MECOM: variants seen among roughly 807,000 people sequenced by gnomAD.
MECOM encodes histone-lysine N-methyltransferase MECOM.
In MECOM, 13 loss-of-function variants were observed where a neutral mutation model predicts 116.3. The ratio of observed to expected loss-of-function variants is 0.11; its 90% CI spans 0.07 to 0.18. The LOEUF is 0.18. Ranked by LOEUF, MECOM falls within the 10% of genes least tolerant of loss-of-function variation. The pLI, the probability that MECOM is intolerant of heterozygous loss-of-function variation, is 1.00. For synonymous variants in MECOM, 528 were observed against 535.2 expected (o/e 0.99, Z 0.19); for missense variants, 1,299 against 1,509.0 (o/e 0.86, Z 2.31).
chr3:169,504,667 G>A (rs1180751869), intron 1 of MECOM, among the ~76,000 whole-genome samples: 1 of 152,006 alleles, frequency 6.6e-6, no homozygotes, highest in Non-Finnish European at 1.5e-5. Flanking sequence ...GCCTAAATGA[G>A]ACTTGTGGGA....
At chr3:169,659,894 G>A (rs986849850) in intron 1 of MECOM, among the ~76,000 whole-genome samples, 1 of 152,142 alleles carries the variant, frequency 6.6e-6, no homozygotes, top group Admixed American at 6.5e-5. Flanking sequence ...CAGAGAGCAA[G>A]TGTAGGAGTA....
chr3:169,338,461 A>T (rs139715491), intron 2 of MECOM, among the ~76,000 whole-genome samples: 1 of 152,272 alleles, frequency 6.6e-6, no homozygotes, highest in African/African-American at 2.4e-5. Context: ...AATGGTAGGC[A>T]CCTCACAGAA....
intron 2 of MECOM, among the ~76,000 whole-genome samples, chr3:169,240,712 AAAAC>A (rs1487808593): frequency 6.6e-6 from 1 of 152,180 alleles, no homozygotes; most frequent in Non-Finnish European, 1.5e-5. Context: ...GGACAACTAA[AAAAC>A]AAATGCCATT....
At chr3:169,385,711 T>A (rs1417109779) in intron 1 of MECOM, among the ~76,000 whole-genome samples, 1 of 152,208 alleles carries the variant, frequency 6.6e-6, no homozygotes, top group Non-Finnish European at 1.5e-5. Flanking sequence ...TTCATCTAAA[T>A]GATAAATTAC....
intron 1 of MECOM, among the ~76,000 whole-genome samples, chr3:169,417,116 C>T (rs201994137): frequency 0.039 from 5,867 of 150,308 alleles, 342 homozygotes; most frequent in Admixed American, 0.17. Context: ...TGGGATCTAA[C>T]TAAACTAAAG....
chr3:169,553,223 G>A (rs1450818066), intron 1 of MECOM, among the ~76,000 whole-genome samples: 1 of 151,922 alleles, frequency 6.6e-6, no homozygotes, highest in African/African-American at 2.4e-5. Context: ...AGGCATTTTT[G>A]AGGCATTAAG....
intron 1 of MECOM, among the ~76,000 whole-genome samples, chr3:169,602,424 G>C (rs117452451): frequency 6.6e-6 from 1 of 152,180 alleles, no homozygotes; most frequent in Admixed American, 6.5e-5. Flanking sequence ...TGGCTAGTCA[G>C]GGACCTGACT....
At chr3:169,626,363 T>G (rs113742891) in intron 1 of MECOM, among the ~76,000 whole-genome samples, 2,950 of 152,318 alleles carry the variant, frequency 0.019, 29 homozygotes, top group Middle Eastern at 0.054. Context: ...GAGTTAATAA[T>G]CATTGAGCGG....
intron 8 of MECOM, among the ~76,000 whole-genome samples, chr3:169,113,172 A>T (rs1276482980): frequency 6.6e-6 from 1 of 152,140 alleles, no homozygotes; most frequent in African/African-American, 2.4e-5. Flanking sequence ...TCATGAATTC[A>T]GTACCTTTCC....
At chr3:169,289,662 T>A (rs2149693203) in intron 2 of MECOM, among the ~76,000 whole-genome samples, 1 of 152,286 alleles carries the variant, frequency 6.6e-6, no homozygotes, top group Non-Finnish European at 1.5e-5. Context: ...AATGGAGAGT[T>A]TGACTAAAAT....
chr3:169,561,611 G>A (rs1286326805), intron 1 of MECOM, among the ~76,000 whole-genome samples: 2 of 152,082 alleles, frequency 1.3e-5, no homozygotes, highest in Admixed American at 6.6e-5. Context: ...CCAAATTCAC[G>A]ATAATGACAA....
At chr3:169,266,415 A>G (rs1758309831) in intron 2 of MECOM, among the ~76,000 whole-genome samples, 1 of 152,192 alleles carries the variant, frequency 6.6e-6, no homozygotes, top group African/African-American at 2.4e-5. Context: ...TAACCATTAA[A>G]CGTACAGGGC....
At chr3:169,178,160 T>A (rs1473627650) in intron 2 of MECOM, among the ~76,000 whole-genome samples, 1 of 151,980 alleles carries the variant, frequency 6.6e-6, no homozygotes, top group East Asian at 1.9e-4. Flanking sequence ...AAGGAATACA[T>A]GTATATATGA....
chr3:169,214,219 T>C (rs1340293374), intron 2 of MECOM, among the ~76,000 whole-genome samples: 2 of 152,036 alleles, frequency 1.3e-5, no homozygotes, highest in Admixed American at 6.6e-5. Flanking sequence ...TCAGTGGAAA[T>C]TAGCAGGCCT....
Position 169,594,154 on chromosome 3 carries a change from C to CAA in MECOM, c.37+69180_37+69181dup, listed in dbSNP as rs34331048. On this transcript the variant is annotated intron_variant, in intron 1 of 16. Coordinates refer to ENST00000651503, the MANE Select transcript of MECOM (RefSeq NM_004991.4). Reference sequence around the variant, plus strand: ...CTCAACGACAACACCACCACCACCACAAAAAAAAAAAAAAAAAAAAAACAC... The same window carrying CAA: ...CTCAACGACAACACCACCACCACCACAAAAAAAAAAAAAAAAAAAAAAAACAC... Among the ~76,000 whole-genome samples, 954 of 44,912 alleles carry CAA rather than the reference C, an allele frequency of 0.021. 46 individuals carry two copies. The East Asian group carries it at 0.24, about 12-fold the overall frequency. 29.5% of individuals were successfully genotyped at this position (44,912 alleles called of 152,430 possible).
At chr3:169,307,144 C>T (rs1359991181) in intron 2 of MECOM, among the ~76,000 whole-genome samples, 3 of 152,166 alleles carry the variant, frequency 2.0e-5, no homozygotes, top group African/African-American at 7.2e-5. Flanking sequence ...TAGTTTCCCT[C>T]ACACTCCTTT....
chr3:169,284,761 T>A (rs1712920888), intron 2 of MECOM, among the ~76,000 whole-genome samples: 1 of 151,980 alleles, frequency 6.6e-6, no homozygotes, highest in Non-Finnish European at 1.5e-5. Flanking sequence ...TCACTAGGAG[T>A]CAAAGGTGAA....
chr3:169,561,853 A>G (rs945570540), intron 1 of MECOM, among the ~76,000 whole-genome samples: 3 of 152,204 alleles, frequency 2.0e-5, no homozygotes, highest in Non-Finnish European at 4.4e-5. Context: ...TAAAGAAACA[A>G]TGAGCACCTA....
chr3:169,648,521 T>C (rs1033753532), intron 1 of MECOM, among the ~76,000 whole-genome samples: 1 of 152,232 alleles, frequency 6.6e-6, no homozygotes, highest in Non-Finnish European at 1.5e-5. Flanking sequence ...ATCACTCGCA[T>C]CTTAAGCATT....
Sources: allele counts gnomAD v4.1 joint callset (sites outside exome capture counted in the v4.1 genomes callset), GRCh38; gene constraint gnomAD v4.1.1; transcripts MANE v1.5; gene names NCBI Gene and HGNC (gene_info 2026-07-23, HGNC 2026-07-21).